The following TTC16 variants were observed in gnomAD, a reference collection of about 807,000 sequenced individuals.
The protein encoded by TTC16 is tetratricopeptide repeat protein 16.
Under a neutral mutation model 80.4 loss-of-function variants are expected in TTC16, and 66 were observed. That is an observed-to-expected ratio of 0.82 (90% CI 0.67 to 1.01). The LOEUF is 1.01. Ranked by LOEUF, TTC16 falls within the 50% of genes least tolerant of loss-of-function variation. The pLI is 0.00. For synonymous variants in TTC16, 438 were observed against 451.3 expected (o/e 0.97, Z 0.37); for missense variants, 1,070 against 1,103.2 (o/e 0.97, Z 0.43).
chr9:127,730,905 A>G lies in TTC16; in HGVS notation c.2122A>G (p.Ser708Gly), dbSNP rs975682632. ...GGCCACTATACACAAGAGGAACTCCAGCAAGACCAAGGCCACCCAAAGCCA... is the reference window on the plus strand; with the variant it reads ...GGCCACTATACACAAGAGGAACTCCGGCAAGACCAAGGCCACCCAAAGCCA... Reference protein sequence around the residue: ...TKATIHKRNSSKTKATQSQRR... With the variant: ...TKATIHKRNSGKTKATQSQRR... The change falls in exon 14 of 14, where the codon AGC becomes GGC. Residue 708 changes from serine to glycine, a missense_variant. Transcript: ENST00000373289. 3.1e-6 allele frequency: 5 copies of G among 1,612,958 alleles called. No homozygotes were observed. Among genetic ancestry groups the G allele is most frequent in the African/African-American group, 2.7e-5 (2 of 74,610 alleles).
rs1419505580 is a variant in TTC16, at chr9:127,716,977, AG to A, written c.154del (p.Val52SerfsTer4). On this transcript the variant is annotated frameshift_variant, in exon 2 of 14. Coordinates refer to ENST00000373289, the MANE Select transcript of TTC16 (RefSeq NM_144965.3). LOFTEE classifies it high-confidence loss of function. ...VFQSICDVKPKVTGLTVPLKV... is the reference protein window; with the variant it reads ...VFQSICDVKPXVTGLTVPLKV... ...CAAAGCATCTGTGATGTAAAACCAA[AG>A]GTCACAGGGTTAACAGTGCCCCTCA... 6.8e-6 allele frequency: 11 copies of A among 1,614,138 alleles called. No individual in the cohort carries two copies. The highest frequency in any genetic ancestry group is 9.3e-6 in the Non-Finnish European group (11 of 1,179,996).
Position 127,729,651 on chromosome 9 carries a change from C to T in TTC16, c.1835C>T (p.Ser612Leu). 1 of 1,613,610 alleles carries T rather than the reference C, an allele frequency of 6.2e-7. No homozygotes were observed. Among genetic ancestry groups the T allele is most frequent in the Non-Finnish European group, 8.5e-7 (1 of 1,179,980 alleles). The change falls in exon 13 of 14, where the codon TCA (serine) becomes TTA (leucine). Residue 612 changes from serine (S) to leucine (L), a missense_variant. Ser to Leu is a moderately radical substitution (Grantham distance 145). Transcript: ENST00000373289. ...LSDSYLDQTS[S>L]ASSMSFRTTG... The stretch of plus-strand genomic sequence containing the variant: ...GACAGCTACCTTGACCAGACCTCTT[C>T]AGCCTCCAGCATGAGCTGTAAGTCC...
rs930080874 is a variant in TTC16, at chr9:127,731,126, G to T, written c.2343G>T (p.Arg781=). The T allele has an allele frequency of 6.2e-6, 10 of 1,611,694 alleles. No individual in the cohort carries two copies. Among genetic ancestry groups the T allele is most frequent in the Non-Finnish European group, 8.5e-6 (10 of 1,179,404 alleles). Residue 781 remains arginine, a synonymous_variant, in exon 14 of 14, where the codon CGG becomes CGT. Coordinates refer to ENST00000373289, the MANE Select transcript of TTC16 (RefSeq NM_144965.3). Reference sequence around the variant, plus strand: ...GAAAGGTCAAGGCTGCTCGTGGCCGGAGCTGGAGACCCAGCAAGGTTGATG... The same window carrying T: ...GAAAGGTCAAGGCTGCTCGTGGCCGTAGCTGGAGACCCAGCAAGGTTGATG... ...RPRKVKAARG[R]SWRPSKVDAT...
Position 127,727,321 on chromosome 9 carries a change from C to A in TTC16, c.1620C>A (p.His540Gln). The change falls in exon 12 of 14, where the codon CAC becomes CAA. Residue 540 changes from histidine (H) to glutamine (Q), a missense_variant. His to Gln is a conservative substitution (Grantham distance 24). Coordinates refer to ENST00000373289, the MANE Select transcript of TTC16 (RefSeq NM_144965.3). The part of the protein sequence containing the change: ...LERQKALALQ[H>Q]SWKQGEPLIA... ...GCCAGAAGGCCTTGGCCCTGCAGCA[C>A]TCATGGAAGCAGGGGGAGCCTTTGA... 6.3e-7 allele frequency: 1 copy of A among 1,599,354 alleles called. No individual in the cohort carries two copies.
chr9:127,717,913 C>T, intron 4 of TTC16, 141 bp downstream of exon 4: 2 of 1,139,980 alleles, frequency 1.8e-6, no homozygotes, highest in South Asian at 1.6e-5. Context: ...CTCTCACCTC[C>T]AAGGCTGGTT....
At position 127,718,934 on chromosome 9, in the gene TTC16, C is replaced by T. The variant is rs1040022799; in HGVS notation, c.427-1144C>T. On this transcript the variant is annotated intron_variant, in intron 4 of 13. Coordinates refer to ENST00000373289, the MANE Select transcript of TTC16 (RefSeq NM_144965.3). The surrounding 1 kb of genome is among the most constrained non-coding windows in gnomAD (Gnocchi z 4.6). ...TGTCAAAAAATATTCAGTTCTTGGC[C>T]GGGCACGGTGGCTCACGCCTGTAAT... 1.3e-5 allele frequency among the ~76,000 whole-genome samples: 2 copies of T among 150,386 alleles called. No homozygotes were observed. The highest frequency in any genetic ancestry group is 4.9e-5 in the African/African-American group (2 of 41,020).
intron 8 of TTC16, 61 bp downstream of exon 8, chr9:127,724,425 C>T: frequency 1.3e-6 from 2 of 1,590,952 alleles, no homozygotes; most frequent in Non-Finnish European, 8.6e-7. Flanking sequence ...ATCTCTAAGG[C>T]CCCCACTGGG....
intron 12 of TTC16, 37 bp downstream of exon 12, chr9:127,727,502 G>A (rs1196120468): frequency 6.5e-7 from 1 of 1,548,148 alleles, no homozygotes; most frequent in Non-Finnish European, 8.7e-7. Context: ...GAGCCCTTGG[G>A]GTCTGGGGCA....
intron 6 of TTC16, among the ~76,000 whole-genome samples, chr9:127,721,290 C>T (rs913266352): frequency 6.6e-6 from 1 of 151,888 alleles, no homozygotes; most frequent in African/African-American, 2.4e-5. Flanking sequence ...GAGAAGGAGG[C>T]TGGGCACCAT....
chr9:127,723,774 A>G (rs748971227), intron 7 of TTC16, among the ~76,000 whole-genome samples: 1 of 152,206 alleles, frequency 6.6e-6, no homozygotes, highest in Non-Finnish European at 1.5e-5. Flanking sequence ...ATTCAGTGAC[A>G]TGAGAGGCCA....
At chr9:127,717,255 C>A in intron 2 of TTC16, 79 bp from the exon 3 acceptor site, 2 of 1,458,610 alleles carry the variant, frequency 1.4e-6, no homozygotes, top group African/African-American at 2.8e-5. Context: ...TTGCTTCCCA[C>A]AACCCCCACC....
At position 127,730,634 on chromosome 9, in the gene TTC16, AGTCAGGACCACAGGCACCTCAGAGACT is replaced by A; in HGVS notation, c.1853_1879del (p.Phe618_Glu627delinsTer). On this transcript the variant is annotated splice_acceptor_variant and coding_sequence_variant, in exon 14 of 14. Coordinates refer to ENST00000373289, the MANE Select transcript of TTC16 (RefSeq NM_144965.3). LOFTEE classifies it high-confidence loss of function. ...TGGGTGCTTTTGGCACCCCCTTCCT[AGTCAGGACCACAGGCACCTCAGAGACT>A]GAGATGTCGGCTATCTGCCAGGAAT... 1 of 1,611,418 alleles carries A rather than the reference AGTCAGGACCACAGGCACCTCAGAGACT, an allele frequency of 6.2e-7. No homozygotes were observed. Among genetic ancestry groups the A allele is most frequent in the East Asian group, 2.2e-5 (1 of 44,874 alleles).
At chr9:127,725,598 C>G (rs977056382) in intron 9 of TTC16, among the ~76,000 whole-genome samples, 2 of 144,502 alleles carry the variant, frequency 1.4e-5, no homozygotes, top group Admixed American at 1.4e-4. Context: ...CTTCTCTCTC[C>G]GTTATGCTTT....
intron 4 of TTC16, among the ~76,000 whole-genome samples, chr9:127,719,130 G>C (rs1843265833): frequency 6.6e-6 from 1 of 151,428 alleles, no homozygotes; most frequent in African/African-American, 2.4e-5. Flanking sequence ...AGAACCTCTT[G>C]AAACCAGAAA....
intron 2 of TTC16, 74 bp from the exon 3 acceptor site, chr9:127,717,260 C>G: frequency 6.8e-7 from 1 of 1,480,504 alleles, no homozygotes; most frequent in Non-Finnish European, 9.3e-7. Flanking sequence ...TCCCACAACC[C>G]CCACCCCAGC....
In TTC16 at chr9:127,716,181, G is replaced by C. The variant is rs770772691; in HGVS notation, c.18+18G>C. 5.0e-6 allele frequency: 8 copies of C among 1,613,746 alleles called. No homozygotes were observed. In the African/African-American group the frequency reaches 8.0e-5, roughly 16 times the overall value. Reference sequence around the variant, plus strand: ...CGGACGAGGTGCGGGCTTGGGAGAAGACTAACGCAAAGGCAGAGGGCCAGG... The same window carrying C: ...CGGACGAGGTGCGGGCTTGGGAGAACACTAACGCAAAGGCAGAGGGCCAGG... On this transcript the variant is annotated intron_variant, in intron 1 of 13. Transcript: ENST00000373289.
Position 127,717,657 on chromosome 9 carries a change from C to T in TTC16, c.311C>T (p.Ala104Val). 1 of 1,614,020 alleles carries T rather than the reference C, an allele frequency of 6.2e-7. No homozygotes were observed. The highest frequency in any genetic ancestry group is 1.6e-4 in the Middle Eastern group (1 of 6,062). ...LVDFYALRAE[A>V]YLQLCDFSSA... is the part of the protein sequence containing the mutation. ...GACTTCTATGCCTTACGGGCTGAGG[C>T]CTACCTCCAGCTCTGTGACTTCTCC... The change falls in exon 4 of 14, where the codon GCC becomes GTC. Residue 104 changes from alanine (A) to valine (V), a missense_variant. Transcript: ENST00000373289.
chr9:127,717,395 T>A lies in TTC16; in HGVS notation c.253T>A (p.Ser85Thr), dbSNP rs746008404. 1.2e-6 allele frequency: 2 copies of A among 1,613,354 alleles called. No individual in the cohort carries two copies. Among genetic ancestry groups the A allele is most frequent in the Admixed American group, 3.3e-5 (2 of 60,016 alleles). The part of the protein sequence containing the change: ...ADWETAVLLF[S>T]RALHLDPQLV... ...CTGGGAGACAGCTGTGCTGCTCTTC[T>A]CCCGCGCACTCCACCTGGACCCACA... The change falls in exon 3 of 14, where the codon TCC becomes ACC. Residue 85 changes from serine (S) to threonine (T), a missense_variant. Transcript: ENST00000373289.
chr9:127,723,223 G>A lies in TTC16; in HGVS notation c.762G>A (p.Ala254=), dbSNP rs141278496. The change falls in exon 7 of 14, where the codon GCG becomes GCA. Residue 254 remains alanine (A), a synonymous_variant. Coordinates refer to ENST00000373289, the MANE Select transcript of TTC16 (RefSeq NM_144965.3). The part of the protein sequence containing the change: ...LQKMVAQAQQ[A]RQDAGILAVQ... ...AGATGGTGGCCCAGGCCCAGCAGGCGCGCCAAGATGCGGGGATCCTGGCTG... is the reference window on the plus strand; with the variant it reads ...AGATGGTGGCCCAGGCCCAGCAGGCACGCCAAGATGCGGGGATCCTGGCTG... 2.4e-5 allele frequency: 38 copies of A among 1,612,864 alleles called. No homozygotes were observed. Among genetic ancestry groups the A allele is most frequent in the Middle Eastern group, 3.3e-4 (2 of 6,062 alleles).
Sources: allele counts gnomAD v4.1 joint callset (sites outside exome capture counted in the v4.1 genomes callset), GRCh38; gene constraint gnomAD v4.1.1; non-coding constraint Gnocchi (gnomAD v3.1); transcripts MANE v1.5; gene names NCBI Gene and HGNC (gene_info 2026-07-23, HGNC 2026-07-21).